The following THSD7B variants were observed in gnomAD, a reference collection of about 807,000 sequenced individuals.
THSD7B encodes the protein thrombospondin type-1 domain-containing protein 7B.
A neutral mutation model predicts 213.6 loss-of-function variants in THSD7B; 138 were observed. The observed-to-expected ratio is 0.65, with a 90% CI of 0.56 to 0.74. The LOEUF (loss-of-function observed/expected upper bound fraction) is 0.74. Among genes scored for constraint, THSD7B ranks in the 30% least tolerant of loss-of-function variants. The pLI is 0.00. For synonymous variants in THSD7B, 742 were observed against 687.0 expected, an observed-to-expected ratio of 1.08 and a Z score of -1.25; for missense variants, 1,931 against 1,991.5, an observed-to-expected ratio of 0.97 and a Z score of 0.58.
chr2:137,067,246 A>G (rs1239787292), intron 3 of THSD7B, among the ~76,000 whole-genome samples: 1 of 152,026 alleles, frequency 6.6e-6, no homozygotes, highest in Non-Finnish European at 1.5e-5. Flanking sequence ...TGTGCTGTGT[A>G]ATGTTTTGTT....
At chr2:137,524,475 G>A (rs182682221) in intron 15 of THSD7B, among the ~76,000 whole-genome samples, 141 of 152,138 alleles carry the variant, frequency 9.3e-4, no homozygotes, top group African/African-American at 3.2e-3. Flanking sequence ...TTCCCCTCCC[G>A]ACATAGTCTG....
chr2:136,812,814 A>C (rs1215047312), intron 1 of THSD7B, among the ~76,000 whole-genome samples: 1 of 152,234 alleles, frequency 6.6e-6, no homozygotes, highest in Non-Finnish European at 1.5e-5. Context: ...CTACTAATAA[A>C]TAACAGTACT....
intron 15 of THSD7B, among the ~76,000 whole-genome samples, chr2:137,559,953 T>C (rs1246251041): frequency 6.6e-6 from 1 of 151,974 alleles, no homozygotes; most frequent in Non-Finnish European, 1.5e-5. Flanking sequence ...AAGAGACACA[T>C]CAAAAAATGC....
At chr2:136,774,363 T>A in intron 1 of THSD7B, among the ~76,000 whole-genome samples, 1 of 152,094 alleles carries the variant, frequency 6.6e-6, no homozygotes, top group Non-Finnish European at 1.5e-5. Flanking sequence ...TTTGGTAGAT[T>A]TGATTCATTC....
chr2:137,560,803 C>A (rs1681098905), intron 15 of THSD7B, among the ~76,000 whole-genome samples: 2 of 151,974 alleles, frequency 1.3e-5, no homozygotes, highest in African/African-American at 4.8e-5. Flanking sequence ...AGCAGCCCAC[C>A]ATGTGTCCCT....
chr2:137,190,945 T>C (rs1680645324), intron 7 of THSD7B, among the ~76,000 whole-genome samples: 1 of 152,164 alleles, frequency 6.6e-6, no homozygotes, highest in South Asian at 2.1e-4. Flanking sequence ...GCAGACCATT[T>C]ATCACAGGTC....
intron 6 of THSD7B, among the ~76,000 whole-genome samples, chr2:137,166,941 T>G (rs375254215): frequency 3.9e-5 from 6 of 152,156 alleles, no homozygotes; most frequent in Admixed American, 2.0e-4. Context: ...TCAGTGTGTC[T>G]TCTTAGTTTC....
intron 3 of THSD7B, among the ~76,000 whole-genome samples, chr2:137,091,633 G>A (rs1444059700): frequency 1.3e-5 from 2 of 151,938 alleles, no homozygotes; most frequent in African/African-American, 4.8e-5. Flanking sequence ...GTAGATGGCT[G>A]CCCTCCCGCT....
chr2:137,062,268 G>T (rs1215653684), intron 3 of THSD7B, among the ~76,000 whole-genome samples: 4 of 151,080 alleles, frequency 2.6e-5, no homozygotes, highest in African/African-American at 9.7e-5. Context: ...AATTTTATCA[G>T]TGCTTTTAAA....
Position 137,635,456 on chromosome 2 carries a change from G to C in THSD7B, c.3800-7032G>C, listed in dbSNP as rs770495222. Among the ~76,000 whole-genome samples, 9 of 152,296 alleles carry C rather than the reference G, an allele frequency of 5.9e-5. 1 individual carries two copies. Among genetic ancestry groups the C allele is most frequent in the Middle Eastern group, 3.4e-3 (1 of 294 alleles). ...TGGCAGCAAGCTTCACTATTACTCT[G>C]AGAACAGAAAGAGTCCAGGATACAG... On this transcript the variant is annotated intron_variant, in intron 20 of 27. Transcript: ENST00000409968.
chr2:137,346,454 G>A (rs1420000976), intron 12 of THSD7B, among the ~76,000 whole-genome samples: 1 of 150,468 alleles, frequency 6.6e-6, no homozygotes, highest in Non-Finnish European at 1.5e-5. Flanking sequence ...ATTTAATAAG[G>A]CTGTGCATAA....
intron 12 of THSD7B, among the ~76,000 whole-genome samples, chr2:137,313,639 T>G (rs1341315342): frequency 6.6e-6 from 1 of 152,106 alleles, no homozygotes; most frequent in African/African-American, 2.4e-5. Context: ...TTGCAGTGGC[T>G]GGTACTGGTT....
At chr2:137,442,198 C>T (rs1473661780) in intron 14 of THSD7B, among the ~76,000 whole-genome samples, 1 of 151,966 alleles carries the variant, frequency 6.6e-6, no homozygotes, top group Non-Finnish European at 1.5e-5. Flanking sequence ...TATATATTTT[C>T]CTGAAATATA....
intron 15 of THSD7B, among the ~76,000 whole-genome samples, chr2:137,554,062 G>T (rs1680903150): frequency 6.7e-6 from 1 of 149,524 alleles, no homozygotes. Context: ...ATCATCAACT[G>T]ATACCTTTCA....
chr2:137,512,209 T>TA (rs1679975423), intron 15 of THSD7B: 2 of 152,260 alleles, frequency 1.3e-5, no homozygotes, highest in Non-Finnish European at 1.5e-5. Flanking sequence ...GATATGGCCA[T>TA]AGAGCAATTT....
At chr2:137,011,876 ATT>A (rs1312927190) in intron 2 of THSD7B, among the ~76,000 whole-genome samples, 2 of 152,132 alleles carry the variant, frequency 1.3e-5, no homozygotes, top group African/African-American at 4.8e-5. Flanking sequence ...TGAATCCATC[ATT>A]GTTTGTTAAA....
At chr2:137,528,077 T>C (rs1349800848) in intron 15 of THSD7B, among the ~76,000 whole-genome samples, 1 of 152,116 alleles carries the variant, frequency 6.6e-6, no homozygotes, top group Non-Finnish European at 1.5e-5. Context: ...TTGATTGGAT[T>C]CTTGTATTTC....
Position 137,641,182 on chromosome 2 carries a change from T to C in THSD7B, c.3800-1306T>C, listed in dbSNP as rs578169999. ...TAAAAGACTCTGCTTTGAATAGCTT[T>C]AACAACATTTTCTCAAGCCCTTCTC... is the stretch of plus-strand genomic sequence containing the variant. On this transcript the variant is annotated intron_variant, in intron 20 of 27. Coordinates refer to ENST00000409968, the MANE Select transcript of THSD7B (RefSeq NM_001316349.2). Among the ~76,000 whole-genome samples, 5 of 152,302 alleles carry C rather than the reference T, an allele frequency of 3.3e-5. No homozygotes were observed. In the East Asian group the frequency reaches 9.6e-4, roughly 29 times the overall value.
At chr2:137,004,474 A>G (rs1317409017) in intron 2 of THSD7B, among the ~76,000 whole-genome samples, 1 of 152,200 alleles carries the variant, frequency 6.6e-6, no homozygotes, top group East Asian at 1.9e-4. Flanking sequence ...AAAGTCTTTC[A>G]ATATGCCTCC....
Sources: allele counts gnomAD v4.1 joint callset (sites outside exome capture counted in the v4.1 genomes callset), GRCh38; gene constraint gnomAD v4.1.1; transcripts MANE v1.5; gene names NCBI Gene and HGNC (gene_info 2026-07-23, HGNC 2026-07-21).